The following TRIM5 variants were observed in gnomAD, a reference collection of about 807,000 sequenced individuals.
TRIM5 encodes tripartite motif containing 5.
Under a neutral mutation model 35.6 loss-of-function variants are expected in TRIM5, and 31 were observed. The ratio of observed to expected loss-of-function variants is 0.87; its 90% CI spans 0.65 to 1.18. TRIM5 has a LOEUF of 1.18. TRIM5 is among the 50% of genes most tolerant of loss of function. TRIM5 has a pLI of 0.00. For missense variants in TRIM5, 609 were observed against 591.6 expected (o/e 1.03, Z -0.31); for synonymous variants, 243 against 215.6 (o/e 1.13, Z -1.11).
the TRIM5 span, chr11:5,610,061 A>C: frequency 7.1e-7 from 1 of 1,403,054 alleles, no homozygotes; most frequent in South Asian, 1.2e-5. Flanking sequence ...GGAATTCATC[A>C]GTAGGCTTGG....
chr11:5,592,914 CAAAAAA>C, the TRIM5 span, among the ~76,000 whole-genome samples: 2 of 67,246 alleles, frequency 3.0e-5, no homozygotes, highest in South Asian at 5.6e-4. Context: ...GAGATTGTCT[CAAAAAA>C]AAAAAAAAAA....
chr11:5,664,546 G>T lies in TRIM5; in HGVS notation c.*263C>A, dbSNP rs557502262. On this transcript the variant is annotated 3_prime_UTR_variant, in exon 8 of 8. Coordinates refer to ENST00000380034, the MANE Select transcript of TRIM5 (RefSeq NM_033034.3). ...CTGGCAGAAGTAATACCTAAATAGC[G>T]GTCTCATTTTATGAGGTATAGGTCA... 21 of 1,165,936 alleles carry T rather than the reference G, an allele frequency of 1.8e-5. No individual in the cohort carries two copies. In the South Asian group the frequency reaches 5.3e-4, roughly 29 times the overall value. The allele number at this position is 1,165,936 out of a possible 1,614,324, so 72.2% of individuals were successfully genotyped here. A position where few individuals can be genotyped will look rare whatever the true frequency, so the allele number is the denominator to read the frequency against.
the TRIM5 span, chr11:5,643,194 G>C: frequency 6.2e-7 from 1 of 1,601,326 alleles, no homozygotes; most frequent in Non-Finnish European, 8.5e-7. Context: ...TGTCCTTTCA[G>C]AAGATCAGAG....
chr11:5,650,903 C>T, the TRIM5 span, among the ~76,000 whole-genome samples: 1 of 152,200 alleles, frequency 6.6e-6, no homozygotes, highest in Non-Finnish European at 1.5e-5. Flanking sequence ...CCAAAATCTT[C>T]CTTATCTGCC....
the TRIM5 span, chr11:5,611,198 T>C: frequency 3.1e-6 from 5 of 1,614,050 alleles, no homozygotes; most frequent in Non-Finnish European, 4.2e-6. Context: ...ATTATGAGGC[T>C]GGTACTGTCT....
At chr11:5,589,752 C>G in the TRIM5 span, 1 of 162,794 alleles carries the variant, frequency 6.1e-6, no homozygotes, top group African/African-American at 2.4e-5. Flanking sequence ...CTCGGTGCCT[C>G]CTCTGCCTAG....
At chr11:5,601,201 C>T in the TRIM5 span, among the ~76,000 whole-genome samples, 1 of 152,184 alleles carries the variant, frequency 6.6e-6, no homozygotes, top group African/African-American at 2.4e-5. Flanking sequence ...CCATGCCTGA[C>T]TTTCACAGCC....
chr11:5,681,226 C>A (rs1325038711), intron 1 of TRIM5, among the ~76,000 whole-genome samples: 1 of 152,112 alleles, frequency 6.6e-6, no homozygotes, highest in Non-Finnish European at 1.5e-5. Flanking sequence ...TGATTCTGTT[C>A]CCGGAACAAA....
the TRIM5 span, among the ~76,000 whole-genome samples, chr11:5,627,281 G>A: frequency 6.6e-6 from 1 of 152,092 alleles, no homozygotes; most frequent in Non-Finnish European, 1.5e-5. Context: ...TCGGGAGGCT[G>A]AGGCAAGAGA....
the TRIM5 span, among the ~76,000 whole-genome samples, chr11:5,629,043 G>A: frequency 2.4e-4 from 37 of 152,114 alleles, no homozygotes; most frequent in Non-Finnish European, 5.1e-4. Flanking sequence ...TTGGGAGGCC[G>A]AGACAGGTGG....
At chr11:5,622,343 G>A in the TRIM5 span, among the ~76,000 whole-genome samples, 4 of 151,940 alleles carry the variant, frequency 2.6e-5, no homozygotes, top group African/African-American at 9.7e-5. Flanking sequence ...TACTTGGGAG[G>A]CTGAGGAAGG....
intron 1 of TRIM5, among the ~76,000 whole-genome samples, chr11:5,680,529 A>T (rs964442299): frequency 6.6e-6 from 1 of 152,158 alleles, no homozygotes. Context: ...TTCTACCAAG[A>T]TCTTTGTGTG....
chr11:5,683,395 CT>C (rs1852694715), intron 1 of TRIM5, among the ~76,000 whole-genome samples: 1 of 152,198 alleles, frequency 6.6e-6, no homozygotes, highest in African/African-American at 2.4e-5. Flanking sequence ...CTTGCAGAAC[CT>C]TTATGTTTAG....
intron 4 of TRIM5, among the ~76,000 whole-genome samples, chr11:5,671,188 T>C (rs574698522): frequency 6.4e-4 from 97 of 152,030 alleles, no homozygotes; most frequent in Non-Finnish European, 1.1e-3. Context: ...ATCGCACCAC[T>C]ACATACTAGC....
chr11:5,665,269 T>G lies in TRIM5; in HGVS notation c.1022A>C (p.Asn341Thr). 6.2e-7 allele frequency: 1 copy of G among 1,614,214 alleles called. No individual in the cohort carries two copies. Among genetic ancestry groups the G allele is most frequent in the Non-Finnish European group, 8.5e-7 (1 of 1,180,036 alleles). Residue 341 changes from asparagine (N) to threonine (T), a missense_variant, in exon 8 of 8, where the codon AAT becomes ACT. Transcript: ENST00000380034. ...CAGGATGCCAGTACAATAATTGAAA[T>G]TCACAAATGTCTGGTATCTTGTCCC... ...ARGTRYQTFVNFNYCTGILGS... is the reference protein window; with the variant it reads ...ARGTRYQTFVTFNYCTGILGS...
chr11:5,598,071 CTCTT>C, the TRIM5 span, among the ~76,000 whole-genome samples: 2 of 152,182 alleles, frequency 1.3e-5, no homozygotes, highest in South Asian at 2.1e-4. Context: ...TGAATTTGGG[CTCTT>C]TCTTCTGCTA....
chr11:5,611,687 A>C, the TRIM5 span: 1 of 224,318 alleles, frequency 4.5e-6, no homozygotes, highest in East Asian at 1.1e-4. Context: ...TCCTGACCGC[A>C]AGTGATCCAC....
intron 4 of TRIM5, among the ~76,000 whole-genome samples, chr11:5,669,315 G>C (rs1009262190): frequency 6.6e-6 from 1 of 151,622 alleles, no homozygotes; most frequent in African/African-American, 2.4e-5. Context: ...CCCAACCTCA[G>C]GCGATCCGCC....
the TRIM5 span, chr11:5,590,421 T>A: frequency 6.6e-6 from 1 of 152,504 alleles, no homozygotes; most frequent in Non-Finnish European, 1.5e-5. Flanking sequence ...TGTATCTAGC[T>A]CAAGGTAAAC....
Sources: gnomAD v4.1 joint callset for allele counts (sites outside exome capture counted in the v4.1 genomes callset) on GRCh38, gnomAD v4.1.1 for gene constraint, MANE v1.5 for transcripts, NCBI Gene and HGNC (gene_info 2026-07-23, HGNC 2026-07-21) for gene names.